The following SFXN1 variants were observed in gnomAD, a reference collection of about 807,000 sequenced individuals.
SFXN1 encodes the protein sideroflexin 1, also known as sideroflexin-1.
SFXN1 carries 32 observed loss-of-function variants against 39.5 expected under a neutral mutation model. The ratio of observed to expected loss-of-function variants is 0.81; its 90% confidence interval spans 0.61 to 1.09. SFXN1 has a LOEUF of 1.09. Among genes scored for constraint, SFXN1 ranks in the 50% least tolerant of loss-of-function variants. SFXN1 has a pLI of 0.00. For missense variants in SFXN1, 402 were observed against 407.1 expected (o/e 0.99, Z 0.11); for synonymous variants, 136 against 146.5 (o/e 0.93, Z 0.52).
rs1301496145 is a variant in SFXN1 at position 175,509,199 on chromosome 5, A to G, written c.332A>G (p.Tyr111Cys). ...MTITGCMMTF[Y>C]RTTPAVLFWQ... The stretch of plus-strand genomic sequence containing the variant: ...ATCACAGGTTGTATGATGACGTTTT[A>G]CAGGTATGTTATGAATATGTAGCAA... The change falls in exon 3 of 11, where the codon TAC (tyrosine) becomes TGC (cysteine). Residue 111 changes from tyrosine (Y) to cysteine (C), a missense_variant. Tyr to Cys is a radical substitution (Grantham distance 194). Coordinates refer to ENST00000321442, the MANE Select transcript of SFXN1 (RefSeq NM_022754.7). The G allele has an allele frequency of 6.2e-7, 1 of 1,611,822 alleles. No individual in the cohort carries two copies. Among genetic ancestry groups the G allele is most frequent in the Non-Finnish European group, 8.5e-7 (1 of 1,179,120 alleles).
intron 7 of SFXN1, among the ~76,000 whole-genome samples, chr5:175,516,338 C>A (rs1038706012): frequency 6.6e-6 from 1 of 152,114 alleles, no homozygotes; most frequent in African/African-American, 2.4e-5. Flanking sequence ...TTATTTTTGT[C>A]TACTTAAACC....
chr5:175,525,940 A>G (rs1157452474), intron 10 of SFXN1: 2 of 152,278 alleles, frequency 1.3e-5, no homozygotes, highest in Admixed American at 1.3e-4. Flanking sequence ...AACTAATTAC[A>G]TATCAAAATA....
intron 1 of SFXN1, chr5:175,483,742 GTC>G (rs951154299): frequency 2.0e-5 from 3 of 152,352 alleles, no homozygotes; most frequent in African/African-American, 7.2e-5. Context: ...GTCCCTCTGT[GTC>G]TCTGGTGGAC....
At chr5:175,489,760 C>T (rs2113273877) in intron 1 of SFXN1, among the ~76,000 whole-genome samples, 1 of 152,250 alleles carries the variant, frequency 6.6e-6, no homozygotes, top group African/African-American at 2.4e-5. Flanking sequence ...GACTCTGATC[C>T]AGGAGGTCCA....
intron 8 of SFXN1, among the ~76,000 whole-genome samples, chr5:175,519,155 C>T (rs1266532121): frequency 1.3e-5 from 2 of 152,152 alleles, no homozygotes; most frequent in African/African-American, 4.8e-5. Context: ...ACAGGAGCTG[C>T]CACTAAATGC....
chr5:175,504,388 A>G (rs1215220087), intron 2 of SFXN1, among the ~76,000 whole-genome samples: 3 of 151,978 alleles, frequency 2.0e-5, no homozygotes, highest in Non-Finnish European at 4.4e-5. Flanking sequence ...CAGCCTGGCC[A>G]ACATGGTGAA....
At chr5:175,481,497 G>A (rs1428890087) in intron 1 of SFXN1, among the ~76,000 whole-genome samples, 4 of 152,146 alleles carry the variant, frequency 2.6e-5, no homozygotes, top group Non-Finnish European at 4.4e-5. Context: ...TGTATTTTTA[G>A]TAGAGACGGG....
At chr5:175,526,204 A>G (rs1338148583) in intron 10 of SFXN1, among the ~76,000 whole-genome samples, 1 of 151,338 alleles carries the variant, frequency 6.6e-6, no homozygotes, top group African/African-American at 2.4e-5. Context: ...AAACAAAAGC[A>G]CATTAATGTA....
chr5:175,496,439 G>A (rs1258788690), intron 2 of SFXN1, among the ~76,000 whole-genome samples: 1 of 151,786 alleles, frequency 6.6e-6, no homozygotes, highest in African/African-American at 2.4e-5. Context: ...AAACAAAAAG[G>A]AAATGGAAGA....
At chr5:175,525,462 A>G (rs919424133) in intron 10 of SFXN1, among the ~76,000 whole-genome samples, 1 of 152,232 alleles carries the variant, frequency 6.6e-6, no homozygotes, top group Non-Finnish European at 1.5e-5. Flanking sequence ...AAGGCCCACT[A>G]CATAAACAAT....
intron 2 of SFXN1, 42 bp downstream of exon 2, chr5:175,492,309 T>G (rs1319541336): frequency 6.7e-7 from 1 of 1,486,014 alleles, no homozygotes; most frequent in Non-Finnish European, 9.0e-7. Context: ...TATAAATAGA[T>G]CATCATGTTA....
intron 4 of SFXN1, among the ~76,000 whole-genome samples, chr5:175,510,846 A>G (rs1760484742): frequency 6.6e-6 from 1 of 152,194 alleles, no homozygotes; most frequent in South Asian, 2.1e-4. Flanking sequence ...GCTTTTGACA[A>G]CACATATTCT....
chr5:175,497,936 G>GAAAAA (rs71581646), intron 2 of SFXN1, among the ~76,000 whole-genome samples: 2 of 95,852 alleles, frequency 2.1e-5, no homozygotes, highest in Non-Finnish European at 4.5e-5. Flanking sequence ...GTCTCAAAAA[G>GAAAAA]AAAAAAAAAA....
chr5:175,524,097 C>G (rs1462737774), intron 10 of SFXN1: 1 of 89,944 alleles, frequency 1.1e-5, no homozygotes, highest in African/African-American at 4.5e-5. Flanking sequence ...GTGCGAGATT[C>G]TGTCTCAAAA....
chr5:175,526,636 A>C lies in SFXN1; in HGVS notation c.873-2A>C. ...AACCCTGTCATTTCTCCCTTATCCC[A>C]GTTCCATGTCTGTGACAAGCTTGGA... On this transcript the variant is annotated splice_acceptor_variant, in intron 10 of 10. Coordinates refer to ENST00000321442, the MANE Select transcript of SFXN1 (RefSeq NM_022754.7). LOFTEE classifies it high-confidence loss of function. 6.2e-7 allele frequency: 1 copy of C among 1,613,834 alleles called. No individual in the cohort carries two copies. The highest frequency in any genetic ancestry group is 1.3e-5 in the African/African-American group (1 of 75,028).
At chr5:175,492,645 A>G (rs6898238) in intron 2 of SFXN1, 221 of 164,762 alleles carry the variant, frequency 1.3e-3, no homozygotes, top group African/African-American at 4.9e-3. Flanking sequence ...CAAATTGCCA[A>G]GAATCAGGGG....
At chr5:175,498,333 T>C (rs1175700349) in intron 2 of SFXN1, among the ~76,000 whole-genome samples, 1 of 151,276 alleles carries the variant, frequency 6.6e-6, no homozygotes, top group Non-Finnish European at 1.5e-5. Context: ...TCACATTTAC[T>C]AATTTAACCC....
chr5:175,495,307 A>G (rs918864002), intron 2 of SFXN1, among the ~76,000 whole-genome samples: 2 of 152,050 alleles, frequency 1.3e-5, no homozygotes, highest in Non-Finnish European at 2.9e-5. Context: ...GGAAGAGGGA[A>G]TGGGGAGTTA....
chr5:175,495,647 A>G (rs1001145627), intron 2 of SFXN1, among the ~76,000 whole-genome samples: 11 of 151,678 alleles, frequency 7.3e-5, no homozygotes, highest in Non-Finnish European at 1.5e-4. Context: ...GAGAATCACT[A>G]GAACCCGGGA....
Sources: allele counts gnomAD v4.1 joint callset (sites outside exome capture counted in the v4.1 genomes callset), GRCh38; gene constraint gnomAD v4.1.1; transcripts MANE v1.5; gene names NCBI Gene and HGNC (gene_info 2026-07-23, HGNC 2026-07-21).